Variants in ARNT2 observed in about 807,000 individuals in gnomAD.
The protein encoded by ARNT2 is aryl hydrocarbon receptor nuclear translocator 2, also known as ARNT protein 2.
In ARNT2, 36 loss-of-function variants were observed where a neutral mutation model predicts 91.7. The observed-to-expected ratio is 0.39, with a 90% CI of 0.30 to 0.52. The LOEUF (loss-of-function observed/expected upper bound fraction) is 0.52, where lower values mean the gene tolerates loss of function less well. ARNT2 is among the 20% of genes least tolerant of loss of function. The pLI is 0.72. For missense variants in ARNT2, 775 were observed against 939.3 expected (o/e 0.83, Z 2.29); for synonymous variants, 365 against 347.1 (o/e 1.05, Z -0.57).
At chr15:80,445,692 C>T (rs1330116029) in intron 1 of ARNT2, among the ~76,000 whole-genome samples, 1 of 151,908 alleles carries the variant, frequency 6.6e-6, no homozygotes, top group Non-Finnish European at 1.5e-5. Context: ...TGCACTCCCT[C>T]CTGAGATCCG....
At chr15:80,579,078 GC>G (rs1448070469) in intron 15 of ARNT2, among the ~76,000 whole-genome samples, 2 of 152,222 alleles carry the variant, frequency 1.3e-5, no homozygotes, top group African/African-American at 4.8e-5. Context: ...CCCAGGGAGG[GC>G]TGTGCACAAG....
At chr15:80,466,371 G>C (rs548996548) in intron 3 of ARNT2, among the ~76,000 whole-genome samples, 3 of 152,362 alleles carry the variant, frequency 2.0e-5, no homozygotes, top group Non-Finnish European at 4.4e-5. Flanking sequence ...TAGCACAGCA[G>C]AGGTGTCTTT....
chr15:80,569,980 A>C (rs571974932), intron 12 of ARNT2, among the ~76,000 whole-genome samples: 80 of 152,358 alleles, frequency 5.3e-4, no homozygotes, highest in African/African-American at 1.8e-3. Flanking sequence ...CTTCAACCCC[A>C]CAAAAGTCCC....
At chr15:80,464,200 G>A (rs886126442) in intron 3 of ARNT2, among the ~76,000 whole-genome samples, 1 of 152,246 alleles carries the variant, frequency 6.6e-6, no homozygotes, top group Admixed American at 6.5e-5. Context: ...TTGGGGAGAG[G>A]TGGTGAGAGA....
intron 15 of ARNT2, among the ~76,000 whole-genome samples, chr15:80,578,821 G>A (rs547236722): frequency 6.6e-6 from 1 of 152,328 alleles, no homozygotes; most frequent in African/African-American, 2.4e-5. Flanking sequence ...ATGCCTGTTA[G>A]GGCTAAAGCC....
At chr15:80,560,705 C>T (rs1261694572) in intron 11 of ARNT2, among the ~76,000 whole-genome samples, 1 of 152,184 alleles carries the variant, frequency 6.6e-6, no homozygotes, top group African/African-American at 2.4e-5. Context: ...GTTTTTGGTG[C>T]AGACACAGAG....
chr15:80,514,459 C>A, intron 8 of ARNT2, 54 bp downstream of exon 8: 1 of 1,461,890 alleles, frequency 6.8e-7, no homozygotes, highest in Non-Finnish European at 9.6e-7. Flanking sequence ...TCATACCTGA[C>A]CATGGTGTCC....
At chr15:80,409,524 A>G (rs1208824872) in intron 1 of ARNT2, among the ~76,000 whole-genome samples, 2 of 151,736 alleles carry the variant, frequency 1.3e-5, no homozygotes, top group Non-Finnish European at 2.9e-5. Context: ...ATTATGACGA[A>G]TGAAGCTGCT....
At chr15:80,577,951 C>G (rs1185604598) in intron 15 of ARNT2, among the ~76,000 whole-genome samples, 3 of 152,220 alleles carry the variant, frequency 2.0e-5, no homozygotes, top group African/African-American at 7.2e-5. Flanking sequence ...GATGGCAGCC[C>G]TCTGTGAGCA....
At chr15:80,429,601 A>C (rs1355163371) in intron 1 of ARNT2, among the ~76,000 whole-genome samples, 1 of 152,348 alleles carries the variant, frequency 6.6e-6, no homozygotes, top group Middle Eastern at 3.4e-3. Flanking sequence ...ATCGAACCTG[A>C]GAAGGGGAGT....
chr15:80,513,719 C>CCCA (rs1555411174), intron 6 of ARNT2, among the ~76,000 whole-genome samples, 192 bp from the exon 7 acceptor site: 1 of 30,442 alleles, frequency 3.3e-5, no homozygotes. Context: ...TTTCTTCAGT[C>CCCA]ACAAAAAAAA....
chr15:80,591,115 C>T lies in ARNT2; in HGVS notation c.1919-453C>T, dbSNP rs368535956. On this transcript the variant is annotated intron_variant, in intron 17 of 18. Coordinates refer to ENST00000303329, the MANE Select transcript of ARNT2 (RefSeq NM_014862.4). This position sits in a 1 kb window ranked among gnomAD's most constrained non-coding sequence, Gnocchi z 5.1. ...TGCCTTTCAAGAGCATTCGGTGGAC[C>T]GAGAGGGAATCAGGAGCAGGGGCAG... 1.2e-4 allele frequency among the ~76,000 whole-genome samples: 18 copies of T among 152,264 alleles called. 2 individuals are homozygous for T. Among genetic ancestry groups the T allele is most frequent in the East Asian group, 3.9e-4 (2 of 5,182 alleles).
intron 5 of ARNT2, among the ~76,000 whole-genome samples, chr15:80,495,080 C>T: frequency 6.6e-6 from 1 of 151,584 alleles, no homozygotes; most frequent in East Asian, 1.9e-4. Flanking sequence ...ATCAGGCACC[C>T]CCACCCCTGT....
chr15:80,567,824 G>T (rs1898514364), intron 12 of ARNT2, among the ~76,000 whole-genome samples: 1 of 152,188 alleles, frequency 6.6e-6, no homozygotes, highest in African/African-American at 2.4e-5. Context: ...GGTGAAGTTG[G>T]TTGGAAAAGT....
At chr15:80,431,984 A>G (rs1031745411) in intron 1 of ARNT2, among the ~76,000 whole-genome samples, 1 of 152,206 alleles carries the variant, frequency 6.6e-6, no homozygotes, top group African/African-American at 2.4e-5. Context: ...CTCCAGGACA[A>G]GCTCAGGTAT....
At chr15:80,555,311 C>T (rs1052844622) in intron 11 of ARNT2, 172 bp downstream of exon 11, 41 of 607,914 alleles carry the variant, frequency 6.7e-5, no homozygotes, top group Middle Eastern at 6.8e-4. Context: ...AAGACAGACA[C>T]ACATCAGTAA....
At chr15:80,455,889 ATTTC>A (rs929940401) in intron 2 of ARNT2, among the ~76,000 whole-genome samples, 7 of 152,102 alleles carry the variant, frequency 4.6e-5, no homozygotes, top group Non-Finnish European at 8.8e-5. Flanking sequence ...TGAAACTGCT[ATTTC>A]TTTTTCTTAA....
chr15:80,484,488 C>A (rs888741394), intron 5 of ARNT2, among the ~76,000 whole-genome samples: 1 of 152,172 alleles, frequency 6.6e-6, no homozygotes, highest in African/African-American at 2.4e-5. Flanking sequence ...ATCTGTTATC[C>A]CAGATGTTTC....
In ARNT2 at chr15:80,597,582, G is replaced by A. The variant is rs1893394925; in HGVS notation, c.*3884G>A. The A allele has an allele frequency of 4.6e-6, 1 of 216,486 alleles. No individual in the cohort carries two copies. Among genetic ancestry groups the A allele is most frequent in the South Asian group, 6.5e-5 (1 of 15,422 alleles). The allele number at this position is 216,486 out of a possible 1,614,324, so 13.4% of individuals were successfully genotyped here. The stretch of plus-strand genomic sequence containing the variant: ...TCCCTGGCTTTTGTGGCCAAAGCTA[G>A]TGTTATGGTCAACAACAGGCCAGGG... On this transcript the variant is annotated 3_prime_UTR_variant, in exon 19 of 19. Coordinates refer to ENST00000303329, the MANE Select transcript of ARNT2 (RefSeq NM_014862.4).
Sources: allele counts gnomAD v4.1 joint callset (sites outside exome capture counted in the v4.1 genomes callset), GRCh38; gene constraint gnomAD v4.1.1; non-coding constraint Gnocchi (gnomAD v3.1); transcripts MANE v1.5; gene names NCBI Gene and HGNC (gene_info 2026-07-23, HGNC 2026-07-21).